Variants in ETV6 observed in about 807,000 individuals in gnomAD.
ETV6 encodes the protein ETS variant transcription factor 6.
ETV6 carries 16 observed loss-of-function variants against 51.1 expected under a neutral mutation model. That is an observed-to-expected ratio of 0.31 (90% CI 0.21 to 0.48). The LOEUF (loss-of-function observed/expected upper bound fraction) is 0.48. Among genes scored for constraint, ETV6 ranks in the 20% least tolerant of loss-of-function variants. The pLI, the probability that ETV6 is intolerant of heterozygous loss-of-function variation, is 0.99. For synonymous variants in ETV6, 240 were observed against 224.1 expected (o/e 1.07, Z -0.64); for missense variants, 458 against 594.8 (o/e 0.77, Z 2.39).
chr12:11,667,827 G>A (rs1036883546), intron 1 of ETV6, among the ~76,000 whole-genome samples: 3 of 147,182 alleles, frequency 2.0e-5, no homozygotes, highest in South Asian at 2.2e-4. Context: ...TCGGCCTCCC[G>A]TGTAGCTGGG....
At chr12:11,821,106 T>C (rs758804124) in intron 2 of ETV6, among the ~76,000 whole-genome samples, 12 of 152,160 alleles carry the variant, frequency 7.9e-5, no homozygotes, top group Admixed American at 1.3e-4. Flanking sequence ...CTCACGCCTG[T>C]AATCCCAGCA....
At chr12:11,848,063 A>G (rs1946490339) in intron 3 of ETV6, among the ~76,000 whole-genome samples, 2 of 152,094 alleles carry the variant, frequency 1.3e-5, no homozygotes, top group Admixed American at 6.5e-5. Context: ...TACTGAAACA[A>G]AGAACATTTT....
In ETV6 at chr12:11,893,878, A is replaced by AG. The variant is rs1274380459; in HGVS notation, c.*2832_*2833insG. ...CACATACACAAATATTCCAGGATAC[A>AG]AAAAAAAACATTTAAAAATCCGAGA... On this transcript the variant is annotated 3_prime_UTR_variant, in exon 8 of 8. Transcript: ENST00000396373. 1 of 168,704 alleles carries AG rather than the reference A, an allele frequency of 5.9e-6. No individual in the cohort carries two copies. The highest frequency in any genetic ancestry group is 8.9e-5 in the East Asian group (1 of 11,294). The allele number at this position is 168,704 out of a possible 1,614,324, so 10.5% of individuals were successfully genotyped here. A position where few individuals can be genotyped will look rare whatever the true frequency, so the allele number is the denominator to read the frequency against.
chr12:11,839,532 AC>A (rs1346697671), intron 3 of ETV6, among the ~76,000 whole-genome samples: 13 of 152,200 alleles, frequency 8.5e-5, no homozygotes, highest in Admixed American at 7.9e-4. Context: ...TAGGAGAGGA[AC>A]CCAGTTTAGT....
chr12:11,778,477 G>C (rs376354382), intron 2 of ETV6, among the ~76,000 whole-genome samples: 6 of 152,290 alleles, frequency 3.9e-5, no homozygotes, highest in African/African-American at 1.4e-4. Context: ...GAGATTCCTG[G>C]GGCTGGGTAT....
intron 2 of ETV6, among the ~76,000 whole-genome samples, chr12:11,828,489 C>T (rs1946193670): frequency 6.6e-6 from 1 of 152,142 alleles, no homozygotes; most frequent in African/African-American, 2.4e-5. Context: ...ACATATATCT[C>T]TCTTAAACCT....
chr12:11,698,158 G>A (rs967802114), intron 1 of ETV6, among the ~76,000 whole-genome samples: 2 of 152,114 alleles, frequency 1.3e-5, no homozygotes, highest in African/African-American at 4.8e-5. Flanking sequence ...CCTGCCACAG[G>A]TTCCAGGAAG....
At chr12:11,756,574 GT>G (rs1945010841) in intron 2 of ETV6, among the ~76,000 whole-genome samples, 1 of 152,200 alleles carries the variant, frequency 6.6e-6, no homozygotes, top group Non-Finnish European at 1.5e-5. Flanking sequence ...CCCAGGCAAG[GT>G]CACTCTTGAC....
intron 1 of ETV6, among the ~76,000 whole-genome samples, chr12:11,674,928 T>C (rs970689460): frequency 6.6e-6 from 1 of 152,182 alleles, no homozygotes; most frequent in Non-Finnish European, 1.5e-5. Context: ...GCTGCCCTCC[T>C]AATGTTGGAG....
chr12:11,669,373 T>TCCTCTCTC (rs1864262756), intron 1 of ETV6, among the ~76,000 whole-genome samples: 6 of 129,442 alleles, frequency 4.6e-5, no homozygotes, highest in African/African-American at 2.0e-4. Flanking sequence ...CTTCCTCCCT[T>TCCTCTCTC]CCTCCCTCCC....
chr12:11,845,598 G>A (rs1475182041), intron 3 of ETV6, among the ~76,000 whole-genome samples: 1 of 152,180 alleles, frequency 6.6e-6, no homozygotes, highest in Non-Finnish European at 1.5e-5. Context: ...TTGTTGCTAA[G>A]TAAAAGACTA....
intron 1 of ETV6, among the ~76,000 whole-genome samples, chr12:11,712,464 A>T (rs1160417565): frequency 6.6e-6 from 1 of 152,166 alleles, no homozygotes; most frequent in Non-Finnish European, 1.5e-5. Flanking sequence ...CTCGTCGTAG[A>T]TGGGGATGGT....
chr12:11,879,323 C>T (rs1323927005), intron 5 of ETV6, among the ~76,000 whole-genome samples: 1 of 152,168 alleles, frequency 6.6e-6, no homozygotes, highest in Non-Finnish European at 1.5e-5. Flanking sequence ...TAACCACAAT[C>T]ATTAAACATT....
chr12:11,819,494 C>G (rs1324330727), intron 2 of ETV6, among the ~76,000 whole-genome samples: 1 of 152,230 alleles, frequency 6.6e-6, no homozygotes, highest in Non-Finnish European at 1.5e-5. Flanking sequence ...GGGCCTTTCT[C>G]TTAAATAACA....
intron 2 of ETV6, among the ~76,000 whole-genome samples, chr12:11,809,812 CTTTTTTTTTTTTTTTTT>C: frequency 1.2e-5 from 1 of 81,794 alleles, no homozygotes; most frequent in African/African-American, 5.7e-5. Context: ...AGAGCTTCTG[CTTTTTTTTTTTTTTTTT>C]TTTTTTTTTG....
Position 11,697,885 on chromosome 12 carries a change from A to G in ETV6, c.33+47725A>G, listed in dbSNP as rs74062390. ...CATAACTAAGCCCCGAGAGATTTCC[A>G]ATCATGCCCATAAGGTAATGCAATT... On this transcript the variant is annotated intron_variant, in intron 1 of 7. Coordinates refer to ENST00000396373, the MANE Select transcript of ETV6 (RefSeq NM_001987.5). Among the ~76,000 whole-genome samples the G allele has an allele frequency of 1.2e-3, 177 of 152,290 alleles. 1 individual carries two copies. The highest frequency in any genetic ancestry group is 4.1e-3 in the African/African-American group (169 of 41,584).
intron 2 of ETV6, among the ~76,000 whole-genome samples, chr12:11,791,492 C>T (rs539663408): frequency 6.6e-6 from 1 of 152,302 alleles, no homozygotes; most frequent in South Asian, 2.1e-4. Flanking sequence ...TACCCTTAGA[C>T]CAGTACAACT....
chr12:11,790,679 C>CT (rs5796466), intron 2 of ETV6, among the ~76,000 whole-genome samples: 2,653 of 100,318 alleles, frequency 0.026, 49 homozygotes, highest in East Asian at 0.058. Context: ...AGAGGATAAA[C>CT]TTTTTTTTTT....
intron 5 of ETV6, among the ~76,000 whole-genome samples, chr12:11,879,573 G>T (rs1173257217): frequency 6.6e-6 from 1 of 152,160 alleles, no homozygotes; most frequent in African/African-American, 2.4e-5. Context: ...GATACCGAGG[G>T]TACCTCACCC....
Sources: allele counts gnomAD v4.1 joint callset (sites outside exome capture counted in the v4.1 genomes callset), GRCh38; gene constraint gnomAD v4.1.1; transcripts MANE v1.5; gene names NCBI Gene and HGNC (gene_info 2026-07-23, HGNC 2026-07-21).